Variants in EXOC6B observed in about 807,000 individuals in gnomAD.
EXOC6B encodes SEC15 homolog B.
EXOC6B carries 54 observed loss-of-function variants against 113.5 expected under a neutral mutation model. The ratio of observed to expected loss-of-function variants is 0.48; its 90% CI spans 0.38 to 0.60. The LOEUF is 0.60. EXOC6B is among the 20% of genes least tolerant of loss of function. The probability of loss-of-function intolerance (pLI) is 0.00; values close to 1 mark genes in which losing one functional copy is unlikely to be tolerated. For missense variants in EXOC6B, 797 were observed against 977.5 expected (o/e 0.82, Z 2.46); for synonymous variants, 357 against 339.0 (o/e 1.05, Z -0.58).
intron 1 of EXOC6B, among the ~76,000 whole-genome samples, chr2:72,815,033 T>A (rs189971441): frequency 2.0e-5 from 3 of 152,324 alleles, no homozygotes; most frequent in East Asian, 3.9e-4. Context: ...TACTGATACC[T>A]CTTTATGACT....
intron 19 of EXOC6B, among the ~76,000 whole-genome samples, chr2:72,336,967 A>AT (rs904539947): frequency 1.3e-5 from 2 of 150,430 alleles, no homozygotes; most frequent in African/African-American, 4.9e-5. Context: ...AGATTGCATT[A>AT]TTGCACTCCA....
intron 20 of EXOC6B, among the ~76,000 whole-genome samples, chr2:72,216,602 CAT>C (rs1680546427): frequency 2.6e-5 from 4 of 152,300 alleles, no homozygotes; most frequent in South Asian, 2.1e-4. Context: ...CACATGCACA[CAT>C]ATGTTTATTG....
At chr2:72,570,745 C>T (rs1375544934) in intron 7 of EXOC6B, among the ~76,000 whole-genome samples, 2 of 152,086 alleles carry the variant, frequency 1.3e-5, no homozygotes, top group Non-Finnish European at 2.9e-5. Flanking sequence ...AAAAAATACG[C>T]CCTGCTTTTT....
Position 72,559,531 on chromosome 2 carries a change from C to A in EXOC6B, c.847-10G>T. On this transcript the variant is annotated splice_polypyrimidine_tract_variant and intron_variant, in intron 7 of 21. Transcript: ENST00000272427. Reference sequence around the variant, plus strand: ...CTTGGGCCCCAGGTACCTGCAAACACAAGATTATAACAAAAAAATTCAAAC... The same window carrying A: ...CTTGGGCCCCAGGTACCTGCAAACAAAAGATTATAACAAAAAAATTCAAAC... 2 of 1,607,706 alleles carry A rather than the reference C, an allele frequency of 1.2e-6. No individual in the cohort carries two copies. Among genetic ancestry groups the A allele is most frequent in the Non-Finnish European group, 1.7e-6 (2 of 1,177,300 alleles).
At chr2:72,384,553 A>G (rs1356222459) in intron 18 of EXOC6B, among the ~76,000 whole-genome samples, 2 of 152,136 alleles carry the variant, frequency 1.3e-5, no homozygotes, top group African/African-American at 4.8e-5. Flanking sequence ...AAAAGCATCC[A>G]AATTGAAAAT....
chr2:72,354,373 T>C (rs1490676148), intron 19 of EXOC6B: 1 of 152,212 alleles, frequency 6.6e-6, no homozygotes, highest in Non-Finnish European at 1.5e-5. Flanking sequence ...GAAACAGTAC[T>C]TTGTTTGTGT....
chr2:72,635,418 T>A (rs1157305948), intron 6 of EXOC6B, among the ~76,000 whole-genome samples: 2 of 152,174 alleles, frequency 1.3e-5, no homozygotes, highest in Non-Finnish European at 2.9e-5. Context: ...AAGGGAATGC[T>A]ATGGTAGAAA....
At chr2:72,690,511 T>C (rs1268308199) in intron 6 of EXOC6B, among the ~76,000 whole-genome samples, 1 of 152,208 alleles carries the variant, frequency 6.6e-6, no homozygotes, top group Non-Finnish European at 1.5e-5. Context: ...CTAATATAAG[T>C]CTTTGTAATT....
chr2:72,721,437 A>G (rs1379576860), intron 5 of EXOC6B, among the ~76,000 whole-genome samples: 6 of 151,116 alleles, frequency 4.0e-5, no homozygotes, highest in African/African-American at 1.5e-4. Flanking sequence ...ACATATGAAA[A>G]AAAAAAAAAA....
intron 20 of EXOC6B, among the ~76,000 whole-genome samples, chr2:72,226,230 T>C (rs1681228650): frequency 6.6e-6 from 1 of 152,162 alleles, no homozygotes; most frequent in Non-Finnish European, 1.5e-5. Flanking sequence ...AAAAATGGCA[T>C]TAGTAGAAAA....
chr2:72,779,727 G>A (rs934738201), intron 1 of EXOC6B, among the ~76,000 whole-genome samples: 1 of 152,138 alleles, frequency 6.6e-6, no homozygotes, highest in African/African-American at 2.4e-5. Flanking sequence ...TTAGACTATT[G>A]TCTAAGGGGT....
intron 20 of EXOC6B, among the ~76,000 whole-genome samples, chr2:72,332,043 G>GT (rs1410489226): frequency 6.6e-6 from 1 of 152,034 alleles, no homozygotes; most frequent in Admixed American, 6.6e-5. Flanking sequence ...GCAAGACACT[G>GT]TGGAAGCATG....
intron 2 of EXOC6B, among the ~76,000 whole-genome samples, chr2:72,734,602 T>C (rs1680837498): frequency 6.6e-6 from 1 of 152,198 alleles, no homozygotes; most frequent in Non-Finnish European, 1.5e-5. Flanking sequence ...TGAAAGGTCA[T>C]GGCTGTGTTC....
At chr2:72,683,243 C>T (rs372550507) in intron 6 of EXOC6B, among the ~76,000 whole-genome samples, 1 of 152,256 alleles carries the variant, frequency 6.6e-6, no homozygotes, top group Non-Finnish European at 1.5e-5. Context: ...GGATTCTCCA[C>T]CTTCCTCAAC....
In EXOC6B at chr2:72,288,410, C is replaced by A. The variant is rs114154670; in HGVS notation, c.2196+46537G>T. On this transcript the variant is annotated intron_variant, in intron 20 of 21. Transcript: ENST00000272427. ...ACTATTTGTAAAAATAAAAAAAAGA[C>A]AAGACAACAAAAAAACTCAATCTGT... 1.5e-3 allele frequency among the ~76,000 whole-genome samples: 225 copies of A among 151,936 alleles called. 1 individual carries two copies. Among genetic ancestry groups the A allele is most frequent in the African/African-American group, 5.0e-3 (206 of 41,438 alleles).
chr2:72,210,950 T>C (rs1680148581), intron 20 of EXOC6B, among the ~76,000 whole-genome samples: 1 of 152,192 alleles, frequency 6.6e-6, no homozygotes, highest in South Asian at 2.1e-4. Flanking sequence ...TTGGCACTTA[T>C]TTTAGGGTGC....
At chr2:72,746,415 A>G (rs796731880) in intron 1 of EXOC6B, among the ~76,000 whole-genome samples, 17 of 152,118 alleles carry the variant, frequency 1.1e-4, no homozygotes, top group African/African-American at 3.9e-4. Flanking sequence ...CCCCAAATAA[A>G]CCACCGGTTT....
chr2:72,177,558 C>T lies in EXOC6B; in HGVS notation c.*1777G>A, dbSNP rs1677807717. The T allele has an allele frequency of 6.6e-6, 1 of 152,260 alleles. No homozygotes were observed. Among genetic ancestry groups the T allele is most frequent in the Non-Finnish European group, 1.5e-5 (1 of 68,056 alleles). The allele number at this position is 152,260 out of a possible 1,614,324, so 9.4% of individuals were successfully genotyped here. A position where few individuals can be genotyped will look rare whatever the true frequency, so the allele number is the denominator to read the frequency against. On this transcript the variant is annotated 3_prime_UTR_variant, in exon 22 of 22. Transcript: ENST00000272427. ...CATCCCTTACCCTCATTCTGAAACC[C>T]TGGCCAACCATCCAGCCCTCAGGAT...
At chr2:72,711,730 A>G (rs1679284813) in intron 6 of EXOC6B, among the ~76,000 whole-genome samples, 1 of 152,150 alleles carries the variant, frequency 6.6e-6, no homozygotes, top group Admixed American at 6.5e-5. Flanking sequence ...GGCTGCTTGA[A>G]CACAAGCAGT....
Sources: allele counts gnomAD v4.1 joint callset (sites outside exome capture counted in the v4.1 genomes callset), GRCh38; gene constraint gnomAD v4.1.1; transcripts MANE v1.5; gene names NCBI Gene and HGNC (gene_info 2026-07-23, HGNC 2026-07-21).